Variants in CCSER1 observed in about 807,000 individuals in gnomAD.
The protein encoded by CCSER1 is serine-rich coiled-coil domain-containing protein 1.
A neutral mutation model predicts 82.0 loss-of-function variants in CCSER1; 41 were observed. The observed-to-expected ratio is 0.50, with a 90% CI of 0.39 to 0.65. The LOEUF (loss-of-function observed/expected upper bound fraction) is 0.65. Ranked by LOEUF, CCSER1 falls within the 30% of genes least tolerant of loss-of-function variation. The pLI, the probability that CCSER1 is intolerant of heterozygous loss-of-function variation, is 0.00. For synonymous variants in CCSER1, 414 were observed against 383.9 expected (o/e 1.08, Z -0.92); for missense variants, 1,119 against 1,064.2 (o/e 1.05, Z -0.72).
At chr4:90,607,811 C>G (rs1784930047) in intron 5 of CCSER1, among the ~76,000 whole-genome samples, 5 of 152,096 alleles carry the variant, frequency 3.3e-5, no homozygotes, top group Admixed American at 3.3e-4. Flanking sequence ...TTATAACTAC[C>G]TTCTTAAACA....
At position 90,585,380 on chromosome 4, in the gene CCSER1, A is replaced by T. The variant is rs956847106; in HGVS notation, c.1725-42645A>T. ...AAACTCCCATGATTCATTCCACATG[A>T]TAGTTAAATCTTGATTAAACTATAA... On this transcript the variant is annotated intron_variant, in intron 5 of 10. Transcript: ENST00000509176. 1.3e-5 allele frequency among the ~76,000 whole-genome samples: 2 copies of T among 152,326 alleles called. 1 individual carries two copies. Among genetic ancestry groups the T allele is most frequent in the Admixed American group, 1.3e-4 (2 of 15,300 alleles).
chr4:90,759,196 A>C (rs1410340940), intron 7 of CCSER1, among the ~76,000 whole-genome samples: 3 of 152,292 alleles, frequency 2.0e-5, no homozygotes, highest in African/African-American at 7.2e-5. Context: ...TAACCCTCCA[A>C]ATAAGCTCAA....
At chr4:91,482,230 G>C (rs6419128) in intron 10 of CCSER1, among the ~76,000 whole-genome samples, 33 of 141,192 alleles carry the variant, frequency 2.3e-4, no homozygotes, top group African/African-American at 8.4e-4. Context: ...GTAAAACCCC[G>C]TCTCTACTAA....
intron 10 of CCSER1, among the ~76,000 whole-genome samples, chr4:91,268,073 G>T (rs1015327239): frequency 1.3e-5 from 2 of 152,078 alleles, no homozygotes; most frequent in Admixed American, 6.6e-5. Flanking sequence ...ATGTGTTTTC[G>T]CATACCTCAA....
intron 10 of CCSER1, among the ~76,000 whole-genome samples, chr4:91,350,641 G>A (rs992685187): frequency 6.6e-6 from 1 of 151,972 alleles, no homozygotes; most frequent in African/African-American, 2.4e-5. Flanking sequence ...TACTTTTGCA[G>A]TTTAAAAATT....
At chr4:91,482,234 CTACTAAAAA>C (rs558607011) in intron 10 of CCSER1, among the ~76,000 whole-genome samples, 204 of 141,800 alleles carry the variant, frequency 1.4e-3, no homozygotes, top group African/African-American at 5.3e-3. Flanking sequence ...AACCCCGTCT[CTACTAAAAA>C]TACAAAAAAT....
chr4:90,446,781 T>C (rs1760720137), intron 4 of CCSER1, among the ~76,000 whole-genome samples: 1 of 152,142 alleles, frequency 6.6e-6, no homozygotes, highest in Non-Finnish European at 1.5e-5. Context: ...TTCCACCTTA[T>C]CCACCTTATC....
At chr4:90,666,513 A>G (rs1163271336) in intron 6 of CCSER1, among the ~76,000 whole-genome samples, 1 of 152,204 alleles carries the variant, frequency 6.6e-6, no homozygotes, top group Non-Finnish European at 1.5e-5. Context: ...TATCTCTAGC[A>G]ATACCTAAAG....
At chr4:91,423,066 T>G (rs1274114602) in intron 10 of CCSER1, among the ~76,000 whole-genome samples, 2 of 152,106 alleles carry the variant, frequency 1.3e-5, no homozygotes, top group Non-Finnish European at 2.9e-5. Context: ...GGCATGAAAA[T>G]GCATATCTTC....
intron 2 of CCSER1, among the ~76,000 whole-genome samples, chr4:90,311,463 G>A (rs1428726465): frequency 6.6e-6 from 1 of 152,070 alleles, no homozygotes; most frequent in South Asian, 2.1e-4. Context: ...AGCTGGTAAT[G>A]TCAACAAACT....
At chr4:90,586,257 C>T (rs1782012439) in intron 5 of CCSER1, among the ~76,000 whole-genome samples, 1 of 152,214 alleles carries the variant, frequency 6.6e-6, no homozygotes, top group African/African-American at 2.4e-5. Flanking sequence ...TACCCCCCCA[C>T]CCCAGTTTTT....
intron 1 of CCSER1, among the ~76,000 whole-genome samples, chr4:90,177,673 A>G (rs1053581485): frequency 4.6e-5 from 7 of 152,110 alleles, no homozygotes; most frequent in African/African-American, 1.4e-4. Flanking sequence ...TCATCATTGC[A>G]TTTGTAAGCC....
At chr4:90,435,045 T>A (rs1758814619) in intron 4 of CCSER1, among the ~76,000 whole-genome samples, 1 of 152,136 alleles carries the variant, frequency 6.6e-6, no homozygotes, top group Non-Finnish European at 1.5e-5. Flanking sequence ...TTTGTTCTTT[T>A]AATACAAGCA....
intron 9 of CCSER1, among the ~76,000 whole-genome samples, chr4:90,931,965 G>T (rs151053799): frequency 2.0e-5 from 3 of 152,180 alleles, no homozygotes; most frequent in East Asian, 3.9e-4. Flanking sequence ...CTTATAAAAA[G>T]CCATAGAGAG....
chr4:90,773,938 G>A (rs1413505854), intron 7 of CCSER1, among the ~76,000 whole-genome samples: 2 of 152,082 alleles, frequency 1.3e-5, no homozygotes, highest in Non-Finnish European at 2.9e-5. Context: ...AAAATGCAAT[G>A]ACATTCATTT....
At chr4:91,177,618 T>C (rs1041836928) in intron 10 of CCSER1, among the ~76,000 whole-genome samples, 1 of 152,232 alleles carries the variant, frequency 6.6e-6, no homozygotes, top group Non-Finnish European at 1.5e-5. Flanking sequence ...GAGGTGTTTC[T>C]AGTATTCTCT....
At chr4:90,469,795 A>G (rs1284040567) in intron 5 of CCSER1, among the ~76,000 whole-genome samples, 2 of 152,176 alleles carry the variant, frequency 1.3e-5, no homozygotes, top group African/African-American at 4.8e-5. Context: ...AGACTTGTCT[A>G]ACTAGGCATC....
intron 3 of CCSER1, among the ~76,000 whole-genome samples, chr4:90,386,519 T>C (rs1424147793): frequency 2.0e-5 from 3 of 152,088 alleles, no homozygotes; most frequent in African/African-American, 7.2e-5. Context: ...AAGACAAATA[T>C]ATGACCTGAC....
intron 3 of CCSER1, among the ~76,000 whole-genome samples, chr4:90,361,163 A>G (rs1441493830): frequency 6.6e-6 from 1 of 152,230 alleles, no homozygotes; most frequent in Non-Finnish European, 1.5e-5. Context: ...GGCACTCTTT[A>G]AACATATACG....
Sources: gnomAD v4.1 joint callset for allele counts (sites outside exome capture counted in the v4.1 genomes callset) on GRCh38, gnomAD v4.1.1 for gene constraint, MANE v1.5 for transcripts, NCBI Gene and HGNC (gene_info 2026-07-23, HGNC 2026-07-21) for gene names.